CCDC91: variants seen among roughly 807,000 people sequenced by gnomAD.
CCDC91 encodes the protein coiled-coil domain containing 91, also known as coiled-coil domain-containing protein 91.
Under a neutral mutation model 63.2 loss-of-function variants are expected in CCDC91, and 48 were observed. The ratio of observed to expected loss-of-function variants is 0.76; its 90% CI spans 0.60 to 0.97. The LOEUF (loss-of-function observed/expected upper bound fraction) is 0.97. Ranked by LOEUF, CCDC91 falls within the 50% of genes least tolerant of loss-of-function variation. The pLI is 0.00. For synonymous variants in CCDC91, 167 were observed against 165.8 expected (o/e 1.01, Z -0.06); for missense variants, 500 against 494.6 (o/e 1.01, Z -0.10).
chr12:28,512,025 T>G (rs1939432124), intron 12 of CCDC91, among the ~76,000 whole-genome samples: 1 of 151,882 alleles, frequency 6.6e-6, no homozygotes, highest in African/African-American at 2.4e-5. Context: ...CTAGATGGAT[T>G]TTGGGACTTA....
At chr12:28,532,955 T>A (rs1941863054) in intron 12 of CCDC91, among the ~76,000 whole-genome samples, 3 of 152,128 alleles carry the variant, frequency 2.0e-5, no homozygotes, top group African/African-American at 7.2e-5. Context: ...GATGGGTCAG[T>A]ATAAGTTCTG....
At chr12:28,329,231 G>A (rs1318758597) in intron 6 of CCDC91, among the ~76,000 whole-genome samples, 3 of 152,118 alleles carry the variant, frequency 2.0e-5, no homozygotes, top group Non-Finnish European at 4.4e-5. Flanking sequence ...TATTACTAAA[G>A]CAAGGTGTTT....
intron 6 of CCDC91, among the ~76,000 whole-genome samples, chr12:28,331,976 A>G (rs745317254): frequency 2.2e-4 from 33 of 152,222 alleles, no homozygotes; most frequent in Non-Finnish European, 1.0e-4. Context: ...GATGGGGGCT[A>G]CAATCTTCAA....
At chr12:28,330,844 A>G (rs1375842647) in intron 6 of CCDC91, among the ~76,000 whole-genome samples, 4 of 152,206 alleles carry the variant, frequency 2.6e-5, no homozygotes, top group African/African-American at 7.2e-5. Context: ...CCAGTGGGTT[A>G]TAGGTATTTA....
intron 6 of CCDC91, among the ~76,000 whole-genome samples, chr12:28,340,040 A>C (rs539167205): frequency 6.6e-6 from 1 of 152,318 alleles, no homozygotes; most frequent in African/African-American, 2.4e-5. Flanking sequence ...ATATTTTGAC[A>C]TTAAGACCCC....
chr12:28,313,712 T>TG (rs1939557406), intron 6 of CCDC91, among the ~76,000 whole-genome samples: 1 of 151,986 alleles, frequency 6.6e-6, no homozygotes, highest in South Asian at 2.1e-4. Context: ...TATAGTACAA[T>TG]GGGGGTGTGT....
At chr12:28,328,914 AGT>A (rs1941256137) in intron 6 of CCDC91, among the ~76,000 whole-genome samples, 1 of 152,164 alleles carries the variant, frequency 6.6e-6, no homozygotes, top group African/African-American at 2.4e-5. Flanking sequence ...AAACAGTTTA[AGT>A]CAGTAGCTTA....
chr12:28,283,761 A>C (rs1044428728), intron 3 of CCDC91, among the ~76,000 whole-genome samples: 2 of 152,166 alleles, frequency 1.3e-5, no homozygotes, highest in African/African-American at 4.8e-5. Flanking sequence ...CAATATTTTA[A>C]AGATTTTTTA....
chr12:28,440,007 A>T (rs12317524), intron 8 of CCDC91, among the ~76,000 whole-genome samples: 15,210 of 151,442 alleles, frequency 0.1, 2,034 homozygotes, highest in African/African-American at 0.3. Context: ...TCAATTTTTG[A>T]AAAGCAATTA....
In CCDC91 at chr12:28,273,683, G is replaced by T. The variant is rs533501894; in HGVS notation, c.109+14241G>T. On this transcript the variant is annotated intron_variant, in intron 3 of 12. Transcript: ENST00000536442. Reference sequence around the variant, plus strand: ...ATATCCTTCGCCCACTTTTTGATGGGGTTGTTTGTTTTTTTCTTGTAAATT... The same window carrying T: ...ATATCCTTCGCCCACTTTTTGATGGTGTTGTTTGTTTTTTTCTTGTAAATT... Among the ~76,000 whole-genome samples the T allele has an allele frequency of 6.1e-3, 919 of 151,852 alleles. 8 individuals are homozygous for T. The highest frequency in any genetic ancestry group is 0.02 in the African/African-American group (843 of 41,394).
chr12:28,296,110 A>C (rs993390599), intron 3 of CCDC91, among the ~76,000 whole-genome samples: 2 of 151,662 alleles, frequency 1.3e-5, no homozygotes, highest in African/African-American at 4.8e-5. Flanking sequence ...ATATTAAAGA[A>C]GCAGTGGGGA....
At chr12:28,262,271 A>G (rs1946870946) in intron 3 of CCDC91, among the ~76,000 whole-genome samples, 2 of 152,076 alleles carry the variant, frequency 1.3e-5, no homozygotes, top group South Asian at 4.1e-4. Context: ...AAATATTTTA[A>G]AAAGACATGA....
intron 6 of CCDC91, among the ~76,000 whole-genome samples, chr12:28,330,278 T>C (rs1941390092): frequency 6.6e-6 from 1 of 152,162 alleles, no homozygotes; most frequent in South Asian, 2.1e-4. Context: ...CCAGCACCTG[T>C]TGTTTCCTGA....
At chr12:28,536,366 G>T (rs11049702) in intron 12 of CCDC91, among the ~76,000 whole-genome samples, 3 of 152,128 alleles carry the variant, frequency 2.0e-5, no homozygotes, top group African/African-American at 7.2e-5. Context: ...AAGATCATTG[G>T]CCTATTCTTG....
chr12:28,219,401 T>G (rs568407231), intron 1 of CCDC91, among the ~76,000 whole-genome samples: 1 of 151,904 alleles, frequency 6.6e-6, no homozygotes, highest in South Asian at 2.1e-4. Context: ...TTATATATTC[T>G]CAACAGTATA....
chr12:28,319,713 G>C, intron 6 of CCDC91, among the ~76,000 whole-genome samples: 1 of 150,806 alleles, frequency 6.6e-6, no homozygotes. Context: ...AATAATAAGA[G>C]AAAAAGTCTA....
At chr12:28,467,262 G>A (rs1157015649) in intron 11 of CCDC91, among the ~76,000 whole-genome samples, 1 of 152,002 alleles carries the variant, frequency 6.6e-6, no homozygotes, top group East Asian at 1.9e-4. Flanking sequence ...TGAAGAAAAA[G>A]GGATGGAAAA....
intron 8 of CCDC91, among the ~76,000 whole-genome samples, chr12:28,405,369 A>G (rs771921673): frequency 5.9e-5 from 9 of 152,166 alleles, no homozygotes; most frequent in Non-Finnish European, 1.3e-4. Flanking sequence ...ACAGAAGTAT[A>G]CATACTCATA....
At chr12:28,312,335 A>T (rs1465968079) in intron 6 of CCDC91, among the ~76,000 whole-genome samples, 1 of 151,904 alleles carries the variant, frequency 6.6e-6, no homozygotes, top group African/African-American at 2.4e-5. Context: ...ATATTTACTA[A>T]GTTTGTGCAT....
Sources: allele counts gnomAD v4.1 joint callset (sites outside exome capture counted in the v4.1 genomes callset), GRCh38; gene constraint gnomAD v4.1.1; transcripts MANE v1.5; gene names NCBI Gene and HGNC (gene_info 2026-07-23, HGNC 2026-07-21).